Variants in EGFLAM observed in about 807,000 individuals in gnomAD.
EGFLAM encodes the protein pikachurin.
EGFLAM carries 79 observed loss-of-function variants against 113.1 expected under a neutral mutation model. That is an observed-to-expected ratio of 0.70 (90% CI 0.58 to 0.84). The LOEUF is 0.84. Ranked by LOEUF, EGFLAM falls within the 40% of genes least tolerant of loss-of-function variation. The pLI is 0.00. For missense variants in EGFLAM, 1,265 were observed against 1,291.6 expected (o/e 0.98, Z 0.32); for synonymous variants, 504 against 487.6 (o/e 1.03, Z -0.44).
At chr5:38,389,816 T>A (rs1374238296) in intron 6 of EGFLAM, among the ~76,000 whole-genome samples, 2 of 152,216 alleles carry the variant, frequency 1.3e-5, no homozygotes. Context: ...TTTATCTCTT[T>A]GACATTTTAC....
At chr5:38,353,318 A>T (rs1739678912) in intron 5 of EGFLAM, among the ~76,000 whole-genome samples, 1 of 152,230 alleles carries the variant, frequency 6.6e-6, no homozygotes, top group Non-Finnish European at 1.5e-5. Flanking sequence ...TTGATTTTGA[A>T]TGGAAGCGGT....
At chr5:38,311,986 G>C (rs939228291) in intron 1 of EGFLAM, among the ~76,000 whole-genome samples, 3 of 152,058 alleles carry the variant, frequency 2.0e-5, no homozygotes, top group Non-Finnish European at 4.4e-5. Context: ...GGGGATTCTG[G>C]GGTATGAGTC....
intron 18 of EGFLAM, 61 bp from the exon 19 acceptor site, chr5:38,451,254 A>T: frequency 6.3e-7 from 1 of 1,581,624 alleles, no homozygotes; most frequent in South Asian, 1.2e-5. Context: ...ACAAAACTGG[A>T]ATTACTCGGA....
rs1218156363 is a variant in EGFLAM at position 38,258,633 on chromosome 5, GCCC to G, written c.-118_-116del. The G allele has an allele frequency of 8.8e-7, 1 of 1,142,138 alleles. No individual in the cohort carries two copies. Among genetic ancestry groups the G allele is most frequent in the Non-Finnish European group, 1.3e-6 (1 of 779,718 alleles). 70.8% of individuals were successfully genotyped at this position (1,142,138 alleles called of 1,614,324 possible). ...CGTGTTTCCGGGCCCAGCCCTCGCA[GCCC>G]CCCACCTCCTCGCCCCGGCCCGGGG... On this transcript the variant is annotated 5_prime_UTR_variant, in exon 1 of 22. Coordinates refer to ENST00000322350, the MANE Select transcript of EGFLAM (RefSeq NM_152403.4).
At chr5:38,433,337 G>A (rs1363240081) in intron 15 of EGFLAM, among the ~76,000 whole-genome samples, 2 of 152,226 alleles carry the variant, frequency 1.3e-5, no homozygotes, top group African/African-American at 2.4e-5. Context: ...TGCAAGACAC[G>A]TGGAAGAGCA....
chr5:38,323,651 A>AT (rs111288080), intron 1 of EGFLAM, among the ~76,000 whole-genome samples: 13 of 152,140 alleles, frequency 8.5e-5, no homozygotes, highest in African/African-American at 2.6e-4. Flanking sequence ...TACTACTTAG[A>AT]TTTTTTTTAA....
At chr5:38,370,041 G>A (rs1483783842) in intron 5 of EGFLAM, among the ~76,000 whole-genome samples, 1 of 152,134 alleles carries the variant, frequency 6.6e-6, no homozygotes, top group African/African-American at 2.4e-5. Context: ...TGAGGGCCTT[G>A]CAAGGAAAAA....
chr5:38,331,755 T>C (rs776448327), intron 1 of EGFLAM, among the ~76,000 whole-genome samples: 10 of 152,194 alleles, frequency 6.6e-5, no homozygotes, highest in Non-Finnish European at 1.5e-4. Flanking sequence ...CGTGGCTTGA[T>C]AGCTCATTTC....
At chr5:38,263,298 C>CA (rs1476900785) in intron 1 of EGFLAM, among the ~76,000 whole-genome samples, 1 of 152,024 alleles carries the variant, frequency 6.6e-6, no homozygotes, top group Admixed American at 6.6e-5. Flanking sequence ...CCCAGCTCTA[C>CA]AAAAAATACA....
At chr5:38,391,518 C>G (rs1259679839) in intron 6 of EGFLAM, among the ~76,000 whole-genome samples, 1 of 151,824 alleles carries the variant, frequency 6.6e-6, no homozygotes, top group East Asian at 1.9e-4. Context: ...CCTGCCTCAG[C>G]CTCCCGAGTA....
At chr5:38,263,188 A>C (rs1266308686) in intron 1 of EGFLAM, among the ~76,000 whole-genome samples, 1 of 152,194 alleles carries the variant, frequency 6.6e-6, no homozygotes, top group Admixed American at 6.5e-5. Flanking sequence ...TTTGCCGGGC[A>C]TGGTGGCCCA....
chr5:38,368,098 G>C (rs1295101483), intron 5 of EGFLAM, among the ~76,000 whole-genome samples: 1 of 152,194 alleles, frequency 6.6e-6, no homozygotes, highest in Non-Finnish European at 1.5e-5. Flanking sequence ...ATAGATATGG[G>C]TTATTTCCTC....
At chr5:38,273,518 C>T (rs902570428) in intron 1 of EGFLAM, among the ~76,000 whole-genome samples, 1 of 152,266 alleles carries the variant, frequency 6.6e-6, no homozygotes, top group South Asian at 2.1e-4. Flanking sequence ...GATTACACAT[C>T]AGCACTGCAG....
At chr5:38,440,091 C>T (rs1742485068) in intron 17 of EGFLAM, among the ~76,000 whole-genome samples, 1 of 152,116 alleles carries the variant, frequency 6.6e-6, no homozygotes, top group South Asian at 2.1e-4. Context: ...GCAAATCTTA[C>T]CAGAATGTTG....
chr5:38,370,263 C>A (rs781488180), intron 5 of EGFLAM, 33 bp from the exon 6 acceptor site: 1 of 1,601,348 alleles, frequency 6.2e-7, no homozygotes, highest in East Asian at 2.2e-5. Context: ...TATTTCTGAA[C>A]TACTGCTTCT....
In EGFLAM at chr5:38,258,783, G is replaced by T; in HGVS notation, c.29G>T (p.Arg10Leu). ...GATTTAATCCGAGGCGTCTTGCTCC[G>T]GCTCCTGCTCCTGGCTTCCAGCCTC... is the stretch of plus-strand genomic sequence containing the variant. MDLIRGVLL[R>L]LLLLASSLGP... is the part of the protein sequence containing the mutation. Residue 10 changes from arginine (R) to leucine (L), a missense_variant, in exon 1 of 22, where the codon CGG becomes CTG. Transcript: ENST00000322350. 6.2e-7 allele frequency: 1 copy of T among 1,612,164 alleles called. No homozygotes were observed. The highest frequency in any genetic ancestry group is 8.5e-7 in the Non-Finnish European group (1 of 1,179,462).
chr5:38,464,044 T>G lies in EGFLAM; in HGVS notation c.*58T>G. 1.9e-6 allele frequency: 3 copies of G among 1,597,252 alleles called. No homozygotes were observed. Among genetic ancestry groups the G allele is most frequent in the African/African-American group, 1.3e-5 (1 of 74,692 alleles). On this transcript the variant is annotated 3_prime_UTR_variant, in exon 22 of 22. Coordinates refer to ENST00000322350, the MANE Select transcript of EGFLAM (RefSeq NM_152403.4). ...TCTATTCTGAGAATCCCAGGGGCCC[T>G]CAGACCCTGCCTGATGCTATATGCA...
At chr5:38,372,881 G>A (rs1740261021) in intron 6 of EGFLAM, among the ~76,000 whole-genome samples, 1 of 151,950 alleles carries the variant, frequency 6.6e-6, no homozygotes, top group South Asian at 2.1e-4. Context: ...CTTTATTCTA[G>A]GATACATTTA....
At chr5:38,305,405 A>C in intron 1 of EGFLAM, 1 of 453,090 alleles carries the variant, frequency 2.2e-6, no homozygotes, top group South Asian at 1.6e-5. Context: ...CTCTTACTAC[A>C]TTTACCTCCT....
Sources: allele counts gnomAD v4.1 joint callset (sites outside exome capture counted in the v4.1 genomes callset), GRCh38; gene constraint gnomAD v4.1.1; transcripts MANE v1.5; gene names NCBI Gene and HGNC (gene_info 2026-07-23, HGNC 2026-07-21).